The following ESRRG variants were observed in gnomAD, a reference collection of about 807,000 sequenced individuals.
ESRRG encodes estrogen related receptor gamma, also known as estrogen-related receptor gamma.
ESRRG carries 13 observed loss-of-function variants against 44.0 expected under a neutral mutation model. The observed-to-expected ratio is 0.30, with a 90% CI of 0.19 to 0.47. ESRRG has a LOEUF of 0.47. Ranked by LOEUF, ESRRG falls within the 20% of genes least tolerant of loss-of-function variation. The pLI, the probability that ESRRG is intolerant of heterozygous loss-of-function variation, is 1.00. For missense variants in ESRRG, 395 were observed against 580.6 expected (o/e 0.68, Z 3.29); for synonymous variants, 215 against 214.6 (o/e 1.00, Z -0.02).
At chr1:216,826,951 T>A (rs1444145197) in intron 2 of ESRRG, among the ~76,000 whole-genome samples, 2 of 152,170 alleles carry the variant, frequency 1.3e-5, no homozygotes, top group Non-Finnish European at 2.9e-5. Flanking sequence ...CTCATCTCTC[T>A]TTCCCAACTA....
chr1:216,827,115 C>G (rs2095411302), intron 2 of ESRRG, among the ~76,000 whole-genome samples: 3 of 152,080 alleles, frequency 2.0e-5, no homozygotes, highest in Admixed American at 2.0e-4. Context: ...TTAACAGTGG[C>G]TTTCTGTATG....
chr1:216,631,272 T>TGTATA (rs1268926420), intron 3 of ESRRG, among the ~76,000 whole-genome samples: 4 of 152,194 alleles, frequency 2.6e-5, no homozygotes, highest in Admixed American at 6.5e-5. Context: ...AAACTGTGTA[T>TGTATA]GTATACAGTC....
intron 2 of ESRRG, among the ~76,000 whole-genome samples, chr1:216,731,606 T>G (rs1229487996): frequency 1.3e-5 from 2 of 152,228 alleles, no homozygotes; most frequent in East Asian, 3.8e-4. Flanking sequence ...TTATTACACA[T>G]TCATATGTAT....
chr1:216,646,172 T>C (rs2067541435), intron 3 of ESRRG, among the ~76,000 whole-genome samples: 1 of 152,102 alleles, frequency 6.6e-6, no homozygotes, highest in African/African-American at 2.4e-5. Context: ...TTTTATACTG[T>C]TGTCTCTCTT....
intron 1 of ESRRG, among the ~76,000 whole-genome samples, chr1:216,977,121 T>A (rs1284110719): frequency 1.3e-5 from 2 of 152,166 alleles, no homozygotes; most frequent in Non-Finnish European, 2.9e-5. Flanking sequence ...CCTGGGAGTC[T>A]TATTGGAGCA....
intron 1 of ESRRG, among the ~76,000 whole-genome samples, chr1:216,957,638 A>G (rs1195589607): frequency 6.6e-6 from 1 of 151,566 alleles, no homozygotes; most frequent in Non-Finnish European, 1.5e-5. Flanking sequence ...CATCCTTACC[A>G]CCTCTATCCA....
chr1:216,710,514 T>C (rs1260968933), intron 1 of ESRRG, among the ~76,000 whole-genome samples: 2 of 152,242 alleles, frequency 1.3e-5, no homozygotes, highest in African/African-American at 4.8e-5. Flanking sequence ...CCTGAGCTTT[T>C]TATGTCTTTT....
chr1:217,051,224 G>A, intron 1 of ESRRG, among the ~76,000 whole-genome samples: 1 of 141,436 alleles, frequency 7.1e-6, no homozygotes, highest in South Asian at 2.4e-4. Context: ...GGGTGCCAGG[G>A]GAATTGTAAG....
chr1:216,687,657 T>C (rs992206974), intron 1 of ESRRG, among the ~76,000 whole-genome samples: 11 of 152,202 alleles, frequency 7.2e-5, no homozygotes, highest in Admixed American at 7.2e-4. Flanking sequence ...CTCCTACATC[T>C]GAAGATTGCA....
intron 6 of ESRRG, among the ~76,000 whole-genome samples, chr1:216,515,971 T>C (rs1381731566): frequency 2.6e-5 from 4 of 151,990 alleles, no homozygotes; most frequent in Non-Finnish European, 5.9e-5. Flanking sequence ...AATATATAAA[T>C]GAAATTAATT....
intron 2 of ESRRG, among the ~76,000 whole-genome samples, chr1:216,910,734 C>A (rs1395104740): frequency 6.6e-6 from 1 of 152,186 alleles, no homozygotes; most frequent in Admixed American, 6.5e-5. Flanking sequence ...TATGGAGACT[C>A]TATTGGTGGG....
chr1:217,024,573 G>A (rs143828437), intron 1 of ESRRG, among the ~76,000 whole-genome samples: 199 of 152,116 alleles, frequency 1.3e-3, no homozygotes, highest in African/African-American at 4.3e-3. Context: ...CAAAATCACC[G>A]TCAAATGCAA....
At chr1:216,929,725 G>A (rs966034724) in intron 2 of ESRRG, among the ~76,000 whole-genome samples, 1 of 152,134 alleles carries the variant, frequency 6.6e-6, no homozygotes, top group African/African-American at 2.4e-5. Context: ...CAGACCACAG[G>A]GGGCCTAGGA....
intron 1 of ESRRG, among the ~76,000 whole-genome samples, chr1:216,973,946 AC>A (rs1174834724): frequency 1.3e-5 from 2 of 152,146 alleles, no homozygotes; most frequent in Non-Finnish European, 2.9e-5. Context: ...TTTTTAACAA[AC>A]TATATGTTCG....
rs1036934406 is a variant in ESRRG, at chr1:216,651,390, C to T, written c.473-301G>A. Among the ~76,000 whole-genome samples, 6 of 152,190 alleles carry T rather than the reference C, an allele frequency of 3.9e-5. No homozygotes were observed. The South Asian group carries it at 1.2e-3, about 32-fold the overall frequency. ...AAGAGTCTTCCAGAGTCTTATGATC[C>T]AAAAGAAATTTCAAAATAGATTATG... On this transcript the variant is annotated intron_variant, in intron 2 of 6. Transcript: ENST00000408911.
rs1238581471 is a variant in ESRRG, at chr1:216,703,284, C to CTA, written c.56+19958_56+19959dup. ...GGGCCACATATGAAATACACTAACACTATGATAACTGATGATCTTTAAAAA... is the reference window on the plus strand; with the variant it reads ...GGGCCACATATGAAATACACTAACACTATATGATAACTGATGATCTTTAAAAA... On this transcript the variant is annotated intron_variant, in intron 1 of 6. Transcript: ENST00000408911. 4.6e-5 allele frequency among the ~76,000 whole-genome samples: 7 copies of CTA among 152,196 alleles called. No individual in the cohort carries two copies. In the East Asian group the frequency reaches 1.2e-3, roughly 25 times the overall value.
chr1:216,935,225 C>G (rs549580971), intron 2 of ESRRG, among the ~76,000 whole-genome samples: 72 of 152,226 alleles, frequency 4.7e-4, no homozygotes, highest in African/African-American at 1.6e-3. Context: ...TACCTGGAAA[C>G]AGCATCAGAT....
intron 2 of ESRRG, among the ~76,000 whole-genome samples, chr1:216,671,670 A>G (rs140103751): frequency 4.6e-5 from 7 of 152,336 alleles, no homozygotes; most frequent in Middle Eastern, 3.4e-3. Context: ...CTGGCTTTAT[A>G]TAAATCCAAA....
intron 1 of ESRRG, among the ~76,000 whole-genome samples, chr1:216,961,942 A>G (rs2069189265): frequency 6.6e-6 from 1 of 152,152 alleles, no homozygotes; most frequent in South Asian, 2.1e-4. Context: ...CTTTAAAGGA[A>G]TTTCCCACTA....
Sources: gnomAD v4.1 joint callset for allele counts (sites outside exome capture counted in the v4.1 genomes callset) on GRCh38, gnomAD v4.1.1 for gene constraint, MANE v1.5 for transcripts, NCBI Gene and HGNC (gene_info 2026-07-23, HGNC 2026-07-21) for gene names.